The following LAMA2 variants were observed in gnomAD, a reference collection of about 807,000 sequenced individuals.
LAMA2 encodes laminin subunit alpha-2.
In LAMA2, 269 loss-of-function variants were observed where a neutral mutation model predicts 364.8. That is an observed-to-expected ratio of 0.74 (90% CI 0.67 to 0.82). The LOEUF (loss-of-function observed/expected upper bound fraction) is 0.82. Ranked by LOEUF, LAMA2 falls within the 40% of genes least tolerant of loss-of-function variation. LAMA2 has a pLI of 0.00. For synonymous variants in LAMA2, 1,379 were observed against 1,370.6 expected, an observed-to-expected ratio of 1.01 and a Z score of -0.14; for missense variants, 3,807 against 3,873.2, an observed-to-expected ratio of 0.98 and a Z score of 0.45.
intron 41 of LAMA2, among the ~76,000 whole-genome samples, chr6:129,428,533 C>A (rs1781437130): frequency 6.6e-6 from 1 of 152,210 alleles, no homozygotes; most frequent in Non-Finnish European, 1.5e-5. Flanking sequence ...TGGCTCACTG[C>A]AGCCTCTGTC....
At chr6:129,231,124 T>G (rs1752481167) in intron 12 of LAMA2, among the ~76,000 whole-genome samples, 1 of 152,046 alleles carries the variant, frequency 6.6e-6, no homozygotes, top group African/African-American at 2.4e-5. Flanking sequence ...TAGAATGGAA[T>G]TTTTTTCTAT....
intron 3 of LAMA2, among the ~76,000 whole-genome samples, chr6:129,096,484 G>A (rs1272152302): frequency 6.6e-6 from 1 of 152,140 alleles, no homozygotes; most frequent in African/African-American, 2.4e-5. Context: ...AGCAGTTACA[G>A]GCACATACAT....
chr6:129,221,432 T>A (rs1443982870), intron 12 of LAMA2, among the ~76,000 whole-genome samples: 1 of 150,818 alleles, frequency 6.6e-6, no homozygotes, highest in Non-Finnish European at 1.5e-5. Context: ...ATAAACATTT[T>A]ACAGAGGAGA....
At chr6:129,165,496 T>C (rs1779691008) in intron 8 of LAMA2, 80 bp from the exon 9 acceptor site, 1 of 840,318 alleles carries the variant, frequency 1.2e-6, no homozygotes, top group Non-Finnish European at 2.0e-6. Flanking sequence ...AAAACTACTT[T>C]GTCTATAAAA....
intron 4 of LAMA2, among the ~76,000 whole-genome samples, chr6:129,128,577 G>T (rs1777257391): frequency 6.6e-6 from 1 of 152,172 alleles, no homozygotes. Flanking sequence ...TCTGTAGATT[G>T]CTTTGGGTAT....
At chr6:129,217,367 A>G (rs3778129) in intron 12 of LAMA2, among the ~76,000 whole-genome samples, 18,943 of 152,198 alleles carry the variant, frequency 0.12, 1,288 homozygotes, top group East Asian at 0.31. Context: ...GTAAATGCAC[A>G]TGAATACCAA....
Position 129,059,902 on chromosome 6 carries a change from G to A in LAMA2, c.396+6G>A. The A allele has an allele frequency of 1.4e-6, 2 of 1,457,262 alleles. No homozygotes were observed. The highest frequency in any genetic ancestry group is 1.9e-6 in the Non-Finnish European group (2 of 1,036,950). The allele number at this position is 1,457,262 out of a possible 1,614,324, so 90.3% of individuals were successfully genotyped here. ...TTACCCTGGATTTACAGCAGGTATAGTTCCTCTTTTTTTGTCATTTCCACT... is the reference window on the plus strand; with the variant it reads ...TTACCCTGGATTTACAGCAGGTATAATTCCTCTTTTTTTGTCATTTCCACT... On this transcript the variant is annotated splice_donor_region_variant and intron_variant, in intron 3 of 64. Coordinates refer to ENST00000421865, the MANE Select transcript of LAMA2 (RefSeq NM_000426.4).
chr6:128,977,461 C>T (rs1207802697), intron 1 of LAMA2, among the ~76,000 whole-genome samples: 1 of 151,922 alleles, frequency 6.6e-6, no homozygotes, highest in East Asian at 1.9e-4. Context: ...TGAGGTCTCA[C>T]TATGTTGCCC....
intron 17 of LAMA2, among the ~76,000 whole-genome samples, chr6:129,273,441 A>G (rs528180269): frequency 1.2e-4 from 18 of 152,310 alleles, no homozygotes; most frequent in African/African-American, 4.1e-4. Flanking sequence ...CCATTGCATC[A>G]TGTGAATTCC....
At chr6:129,008,665 A>C (rs1784577519) in intron 1 of LAMA2, among the ~76,000 whole-genome samples, 1 of 152,188 alleles carries the variant, frequency 6.6e-6, no homozygotes, top group South Asian at 2.1e-4. Flanking sequence ...ATATTTCCAC[A>C]AATAAAGGGA....
chr6:129,480,535 T>C (rs1356530714), intron 54 of LAMA2, among the ~76,000 whole-genome samples: 1 of 152,072 alleles, frequency 6.6e-6, no homozygotes. Context: ...GAGAGGAAGA[T>C]GGCAAGGTTG....
intron 1 of LAMA2, among the ~76,000 whole-genome samples, chr6:129,010,950 T>A (rs1299688688): frequency 6.6e-6 from 1 of 152,222 alleles, no homozygotes; most frequent in Non-Finnish European, 1.5e-5. Flanking sequence ...CACTTTTGAT[T>A]TCAAATTTTA....
intron 31 of LAMA2, among the ~76,000 whole-genome samples, chr6:129,352,388 C>A (rs1776900406): frequency 6.6e-6 from 1 of 152,178 alleles, no homozygotes; most frequent in Non-Finnish European, 1.5e-5. Context: ...TTTTCCAAAT[C>A]AGTGTTATAT....
chr6:129,048,473 TTTCTTTCTTTCTTTCTTTCTTTCCTTCC>T (rs1247689064), intron 1 of LAMA2, among the ~76,000 whole-genome samples: 4 of 61,220 alleles, frequency 6.5e-5, no homozygotes, highest in Admixed American at 2.1e-4. Context: ...TCTTTCTTTC[TTTCTTTCTTTCTTTCTTTCTTTCCTTCC>T]TTCCTTCCTT....
chr6:129,094,584 T>TAAGCA (rs1228872349), intron 3 of LAMA2, among the ~76,000 whole-genome samples: 1 of 152,238 alleles, frequency 6.6e-6, no homozygotes, highest in African/African-American at 2.4e-5. Context: ...CAGTGCTTTC[T>TAAGCA]AAGCAAAGTT....
At chr6:129,392,555 C>T (rs752127807) in intron 36 of LAMA2, among the ~76,000 whole-genome samples, 5 of 152,130 alleles carry the variant, frequency 3.3e-5, no homozygotes, top group Admixed American at 6.6e-5. Context: ...CCAAAAACTT[C>T]CAGATCAATC....
chr6:129,387,096 A>G (rs1333257201), intron 35 of LAMA2, among the ~76,000 whole-genome samples: 1 of 150,380 alleles, frequency 6.6e-6, no homozygotes, highest in East Asian at 1.9e-4. Context: ...GTGATGTCCT[A>G]TAGAAACTTT....
At position 129,303,457 on chromosome 6, in the gene LAMA2, G is replaced by C. The variant is rs568547045; in HGVS notation, c.3174+2585G>C. Among the ~76,000 whole-genome samples, 4 of 152,218 alleles carry C rather than the reference G, an allele frequency of 2.6e-5. No homozygotes were observed. The South Asian group carries it at 8.3e-4, about 32-fold the overall frequency. On this transcript the variant is annotated intron_variant, in intron 22 of 64. Transcript: ENST00000421865. ...TCCTATTGTAGTAAACTATTGACTA[G>C]AAGTGGTGGAAGCAAATATCCTTGC... is the stretch of plus-strand genomic sequence containing the variant.
At chr6:129,160,871 T>C (rs545053927) in intron 8 of LAMA2, among the ~76,000 whole-genome samples, 164 of 152,162 alleles carry the variant, frequency 1.1e-3, no homozygotes, top group African/African-American at 3.7e-3. Context: ...CTACACTGGA[T>C]GTTTATGATC....
Sources: gnomAD v4.1 joint callset for allele counts (sites outside exome capture counted in the v4.1 genomes callset) on GRCh38, gnomAD v4.1.1 for gene constraint, MANE v1.5 for transcripts, NCBI Gene and HGNC (gene_info 2026-07-23, HGNC 2026-07-21) for gene names.